Variants in ARL5C observed in about 807,000 individuals in gnomAD.
ARL5C encodes putative ADP-ribosylation factor-like protein 5C.
In ARL5C, 21 loss-of-function variants were observed where a neutral mutation model predicts 20.8. The observed-to-expected ratio is 1.01, with a 90% confidence interval of 0.72 to 1.46. The LOEUF (loss-of-function observed/expected upper bound fraction) is 1.46, where lower values mean the gene tolerates loss of function less well. ARL5C is among the 40% of genes most tolerant of loss of function. The pLI is 0.00. For synonymous variants in ARL5C, 71 were observed against 81.6 expected (o/e 0.87, Z 0.70); for missense variants, 199 against 225.1 (o/e 0.88, Z 0.74).
chr17:39,165,602 C>T, intron 1 of ARL5C, 113 bp downstream of exon 1: 1 of 1,349,084 alleles, frequency 7.4e-7, no homozygotes, highest in Non-Finnish European at 1.0e-6. Flanking sequence ...GAGGAGCGCC[C>T]ATATACGACC....
At chr17:39,159,030 T>TTG (rs1304450968) in intron 5 of ARL5C, among the ~76,000 whole-genome samples, 1 of 121,166 alleles carries the variant, frequency 8.3e-6, no homozygotes, top group Non-Finnish European at 1.7e-5. Context: ...TTGTTTTTTT[T>TTG]TTTTTTTTTT....
At chr17:39,163,355 TTTC>T (rs2144047827) in intron 2 of ARL5C, among the ~76,000 whole-genome samples, 1 of 113,716 alleles carries the variant, frequency 8.8e-6, no homozygotes, top group Admixed American at 8.0e-5. Flanking sequence ...CCTTTCTTTC[TTTC>T]TTTCTTTCTT....
chr17:39,163,355 T>TTTCC (rs2045445137), intron 2 of ARL5C, among the ~76,000 whole-genome samples: 1 of 113,702 alleles, frequency 8.8e-6, no homozygotes, highest in Non-Finnish European at 1.6e-5. Context: ...CCTTTCTTTC[T>TTTCC]TTCTTTCTTT....
At chr17:39,163,382 C>CTT (rs777508865) in intron 2 of ARL5C, among the ~76,000 whole-genome samples, 3 of 142,654 alleles carry the variant, frequency 2.1e-5, no homozygotes, top group South Asian at 4.6e-4. Flanking sequence ...TTCTTTCTTT[C>CTT]TTTCTTTCTT....
At position 39,165,127 on chromosome 17, in the gene ARL5C, A is replaced by T. The variant is rs1322757614; in HGVS notation, c.59T>A (p.Ile20Asn). The T allele has an allele frequency of 6.4e-7, 1 of 1,551,562 alleles. No homozygotes were observed. The highest frequency in any genetic ancestry group is 8.7e-7 in the Non-Finnish European group (1 of 1,146,930). ...SIFGNQEHTV[I>N]IVGLDNEGKT... ...TCCTTCATTGTCCAGTCCCACGATGATGACCGTGTGCTCTGGAAGCGTCGG... is the reference window on the plus strand; with the variant it reads ...TCCTTCATTGTCCAGTCCCACGATGTTGACCGTGTGCTCTGGAAGCGTCGG... The change falls in exon 2 of 6, where the codon ATC becomes AAC. Residue 20 changes from isoleucine to asparagine, a missense_variant. Coordinates refer to ENST00000269586, the MANE Select transcript of ARL5C (RefSeq NM_001143968.1).
chr17:39,162,628 G>A, intron 3 of ARL5C, 83 bp downstream of exon 3: 1 of 1,463,462 alleles, frequency 6.8e-7, no homozygotes, highest in Non-Finnish European at 9.2e-7. Context: ...ACAAGTTGGG[G>A]AACCAAGGCT....
chr17:39,166,058 G>C lies in ARL5C; in HGVS notation c.-298C>G. 4.6e-6 allele frequency: 2 copies of C among 439,510 alleles called. No individual in the cohort carries two copies. The highest frequency in any genetic ancestry group is 2.7e-5 in the South Asian group (1 of 37,726). The allele number at this position is 439,510 out of a possible 1,614,324, so 27.2% of individuals were successfully genotyped here. A position where few individuals can be genotyped will look rare whatever the true frequency, so the allele number is the denominator to read the frequency against. On this transcript the variant is annotated 5_prime_UTR_variant, in exon 1 of 6. Transcript: ENST00000269586. ...CCCTGCGAAAACTCCTGAGTTCTCC[G>C]GGTGGACTGCTCCACTACCGCAAAT...
chr17:39,160,504 C>T (rs2144043767), intron 5 of ARL5C, 87 bp downstream of exon 5: 1 of 1,478,320 alleles, frequency 6.8e-7, no homozygotes, highest in Non-Finnish European at 9.1e-7. Context: ...CAGATTCTCA[C>T]AGGAGAGAGG....
chr17:39,156,986 A>G, intron 5 of ARL5C, 44 bp from the exon 6 acceptor site: 1 of 1,548,844 alleles, frequency 6.5e-7, no homozygotes, highest in Non-Finnish European at 8.7e-7. Context: ...AACCCAAGAG[A>G]ATGATGGCCT....
intron 4 of ARL5C, 115 bp from the exon 5 acceptor site, chr17:39,160,857 G>T: frequency 7.9e-7 from 1 of 1,264,588 alleles, no homozygotes. Flanking sequence ...AGAGGCCCAT[G>T]CCTGGATGGG....
chr17:39,163,412 C>CTCTTTCTTTCCT (rs2045447337), intron 2 of ARL5C, among the ~76,000 whole-genome samples: 2 of 102,980 alleles, frequency 1.9e-5, no homozygotes, highest in Non-Finnish European at 4.5e-5. Flanking sequence ...CTTTCCTTCT[C>CTCTTTCTTTCCT]TCTCTCTCTT....
chr17:39,165,881 G>A lies in ARL5C; in HGVS notation c.-121C>T, dbSNP rs2045461242. ...GGCAGATTTTGCCTACGAAGTTAGG[G>A]AAGCCCCACACGTCACCAACCTGAC... On this transcript the variant is annotated 5_prime_UTR_variant, in exon 1 of 6. Transcript: ENST00000269586. 2 of 1,215,966 alleles carry A rather than the reference G, an allele frequency of 1.6e-6. No individual in the cohort carries two copies. The highest frequency in any genetic ancestry group is 1.2e-6 in the Non-Finnish European group (1 of 857,192). 75.3% of individuals were successfully genotyped at this position (1,215,966 alleles called of 1,614,324 possible).
chr17:39,161,140 C>T (rs764724052), intron 4 of ARL5C, 128 bp downstream of exon 4: 12 of 873,750 alleles, frequency 1.4e-5, no homozygotes, highest in Non-Finnish European at 2.0e-5. Flanking sequence ...ACCAGCCCTC[C>T]TCATGCTGCT....
At position 39,160,759 on chromosome 17, in the gene ARL5C, C is replaced by T. The variant is rs2144044250; in HGVS notation, c.340-17G>A. 3.9e-6 allele frequency: 6 copies of T among 1,550,022 alleles called. No individual in the cohort carries two copies. Among genetic ancestry groups the T allele is most frequent in the Non-Finnish European group, 5.2e-6 (6 of 1,146,616 alleles). On this transcript the variant is annotated splice_polypyrimidine_tract_variant and intron_variant, in intron 4 of 5. Coordinates refer to ENST00000269586, the MANE Select transcript of ARL5C (RefSeq NM_001143968.1). ...CTGTAGAGCCTGTGGACAGAGGAGC[C>T]CAGCCCCAGTCAGCCTGCTAGTGCC...
chr17:39,162,101 A>G (rs1464239268), intron 3 of ARL5C, among the ~76,000 whole-genome samples: 1 of 152,162 alleles, frequency 6.6e-6, no homozygotes, highest in Non-Finnish European at 1.5e-5. Flanking sequence ...CTGCTGGAGT[A>G]AGAAAGTAAG....
At chr17:39,163,362 C>CTTTCTTTCTTTCTTTCTTTCTT (rs1567781374) in intron 2 of ARL5C, among the ~76,000 whole-genome samples, 7 of 123,812 alleles carry the variant, frequency 5.7e-5, no homozygotes, top group South Asian at 4.4e-4. Flanking sequence ...TTCTTTCTTT[C>CTTTCTTTCTTTCTTTCTTTCTT]TTTCTTTCTT....
Position 39,165,895 on chromosome 17 carries a change from C to T in ARL5C, c.-135G>A. 1 of 1,017,186 alleles carries T rather than the reference C, an allele frequency of 9.8e-7. No individual in the cohort carries two copies. Among genetic ancestry groups the T allele is most frequent in the South Asian group, 1.5e-5 (1 of 68,380 alleles). The allele number at this position is 1,017,186 out of a possible 1,614,324, so 63.0% of individuals were successfully genotyped here. A position where few individuals can be genotyped will look rare whatever the true frequency, so the allele number is the denominator to read the frequency against. ...ACGAAGTTAGGGAAGCCCCACACGT[C>T]ACCAACCTGACCTGGGAACCCTCTG... On this transcript the variant is annotated 5_prime_UTR_variant, in exon 1 of 6. Coordinates refer to ENST00000269586, the MANE Select transcript of ARL5C (RefSeq NM_001143968.1).
At chr17:39,159,299 T>TTC (rs1555575805) in intron 5 of ARL5C, among the ~76,000 whole-genome samples, 1 of 108,798 alleles carries the variant, frequency 9.2e-6, no homozygotes, top group Non-Finnish European at 1.8e-5. Context: ...CTTTCTTTCT[T>TTC]TTTTTTTTTT....
Position 39,160,594 on chromosome 17 carries a change from T to A in ARL5C, c.488A>T (p.Glu163Val), listed in dbSNP as rs2045429203. 1 of 1,551,652 alleles carries A rather than the reference T, an allele frequency of 6.4e-7. No homozygotes were observed. The highest frequency in any genetic ancestry group is 2.4e-5 in the East Asian group (1 of 41,064). ...HIQGCCALTR[E>V]GLPARLQWME... is the part of the protein sequence containing the mutation. ...TCCAGGTAGGGCAGCCACTAACCCT[T>A]CCCTGGTGAGGGCACAGCAGCCTTG... Residue 163 changes from glutamate (E) to valine (V), a missense_variant, in exon 5 of 6, where the codon GAA (glutamate) becomes GTA (valine). Glu to Val is a moderately radical substitution (Grantham distance 121, BLOSUM62 -2). Transcript: ENST00000269586.
Sources: gnomAD v4.1 joint callset for allele counts (sites outside exome capture counted in the v4.1 genomes callset) on GRCh38, gnomAD v4.1.1 for gene constraint, MANE v1.5 for transcripts, NCBI Gene and HGNC (gene_info 2026-07-23, HGNC 2026-07-21) for gene names.